LRBA: variants seen among roughly 807,000 people sequenced by gnomAD.
The protein encoded by LRBA is lipopolysaccharide-responsive and beige-like anchor protein.
A neutral mutation model predicts 330.0 loss-of-function variants in LRBA; 176 were observed. The ratio of observed to expected loss-of-function variants is 0.53; its 90% confidence interval spans 0.47 to 0.60. The LOEUF (loss-of-function observed/expected upper bound fraction) is 0.60. Ranked by LOEUF, LRBA falls within the 20% of genes least tolerant of loss-of-function variation. The probability of loss-of-function intolerance (pLI) is 0.00; values close to 1 mark genes in which losing one functional copy is unlikely to be tolerated. For missense variants in LRBA, 3,259 were observed against 3,444.8 expected (o/e 0.95, Z 1.35); for synonymous variants, 1,230 against 1,193.0 (o/e 1.03, Z -0.64).
intron 42 of LRBA, among the ~76,000 whole-genome samples, chr4:150,474,479 G>C (rs1756491980): frequency 6.6e-6 from 1 of 152,004 alleles, no homozygotes; most frequent in South Asian, 2.1e-4. Context: ...TTTCAAAATT[G>C]TTTCAGCTAC....
In LRBA at chr4:150,916,704, T is replaced by A. The variant is rs747679514; in HGVS notation, c.680A>T (p.Tyr227Phe). ...TGTATGAAATGTAAAACCATTCTGG[T>A]ATGGCCATTTGGCTATAGGAGGTAA... ...IALPPIAKWP[Y>F]QNGFTFHTWL... is the part of the protein sequence containing the mutation. The change falls in exon 6 of 57, where the codon TAC becomes TTC. Residue 227 changes from tyrosine to phenylalanine, a missense_variant. Transcript: ENST00000651943. 1.9e-6 allele frequency: 3 copies of A among 1,591,634 alleles called. No homozygotes were observed. The highest frequency in any genetic ancestry group is 4.5e-5 in the East Asian group (2 of 44,666).
At chr4:150,808,826 C>A (rs1743182234) in intron 31 of LRBA, among the ~76,000 whole-genome samples, 1 of 152,198 alleles carries the variant, frequency 6.6e-6, no homozygotes, top group Non-Finnish European at 1.5e-5. Context: ...CAAATCACTA[C>A]TAAAGGACTA....
intron 34 of LRBA, among the ~76,000 whole-genome samples, chr4:150,775,452 AACACACACACACACACACACACACACAC>A (rs200525703): frequency 2.9e-5 from 1 of 33,910 alleles, no homozygotes; most frequent in Admixed American, 3.1e-4. Flanking sequence ...TCTGCAATGG[AACACACACACACACACACACACACACAC>A]ACACACACAC....
intron 36 of LRBA, among the ~76,000 whole-genome samples, chr4:150,693,472 G>A (rs1475459680): frequency 1.4e-5 from 2 of 146,696 alleles, no homozygotes; most frequent in Non-Finnish European, 3.0e-5. Flanking sequence ...GCTGAGGCAG[G>A]AGAATGGCGT....
chr4:150,784,429 C>A (rs1462590329), intron 34 of LRBA, among the ~76,000 whole-genome samples: 1 of 152,128 alleles, frequency 6.6e-6, no homozygotes, highest in Non-Finnish European at 1.5e-5. Flanking sequence ...TTTGCCCTTG[C>A]CCCACATGAT....
chr4:150,973,589 C>A (rs1739826108), intron 2 of LRBA, among the ~76,000 whole-genome samples: 1 of 152,122 alleles, frequency 6.6e-6, no homozygotes, highest in Non-Finnish European at 1.5e-5. Context: ...AGAGTAAAAT[C>A]TTCTAATAAT....
At chr4:150,473,155 G>A (rs1332199468) in intron 42 of LRBA, among the ~76,000 whole-genome samples, 1 of 152,076 alleles carries the variant, frequency 6.6e-6, no homozygotes, top group East Asian at 1.9e-4. Context: ...TGTGTATTTT[G>A]ATTATTACCA....
chr4:150,489,658 T>A (rs866057223), intron 41 of LRBA, among the ~76,000 whole-genome samples: 74 of 107,204 alleles, frequency 6.9e-4, no homozygotes, highest in Middle Eastern at 8.6e-3. Flanking sequence ...TATATAATAT[T>A]ATATATAAGA....
chr4:150,386,325 C>A (rs1041208585), intron 47 of LRBA, among the ~76,000 whole-genome samples: 7 of 152,008 alleles, frequency 4.6e-5, no homozygotes, highest in African/African-American at 1.4e-4. Flanking sequence ...AAAAAGGATA[C>A]ACATAAATAT....
At chr4:150,641,600 C>T (rs891575504) in intron 37 of LRBA, among the ~76,000 whole-genome samples, 3 of 151,814 alleles carry the variant, frequency 2.0e-5, no homozygotes, top group Non-Finnish European at 4.4e-5. Flanking sequence ...TTTTTCTTTG[C>T]AGCAAAAAGA....
At chr4:150,346,384 T>C (rs1166183543) in intron 48 of LRBA, among the ~76,000 whole-genome samples, 2 of 151,832 alleles carry the variant, frequency 1.3e-5, no homozygotes, top group Non-Finnish European at 2.9e-5. Flanking sequence ...CTACTTAGGA[T>C]TGTGGTAAAG....
intron 37 of LRBA, among the ~76,000 whole-genome samples, chr4:150,677,804 TAAAAAA>T (rs1020996025): frequency 0.032 from 3,952 of 122,548 alleles, 163 homozygotes; most frequent in African/African-American, 0.11. Context: ...TCCCATGTCT[TAAAAAA>T]AAAAAGAAAA....
chr4:150,375,940 A>C (rs748748147), intron 47 of LRBA, among the ~76,000 whole-genome samples: 2 of 152,152 alleles, frequency 1.3e-5, no homozygotes, highest in African/African-American at 2.4e-5. Context: ...CTCACTATAG[A>C]TAAGCACCAA....
At chr4:150,438,145 C>T (rs543004902) in intron 44 of LRBA, among the ~76,000 whole-genome samples, 87 of 152,230 alleles carry the variant, frequency 5.7e-4, no homozygotes, top group Non-Finnish European at 1.0e-3. Flanking sequence ...ATGTTAAGTA[C>T]CCACTCACTG....
chr4:150,430,376 C>T (rs576581171), intron 46 of LRBA, among the ~76,000 whole-genome samples: 38 of 152,148 alleles, frequency 2.5e-4, no homozygotes, highest in Non-Finnish European at 4.0e-4. Flanking sequence ...CCCCACTGCA[C>T]CCAGGATAAA....
intron 46 of LRBA, among the ~76,000 whole-genome samples, chr4:150,426,373 T>C (rs887600723): frequency 3.3e-5 from 5 of 152,018 alleles, no homozygotes; most frequent in Admixed American, 6.6e-5. Context: ...AGAAAAATCA[T>C]GGATTACAAA....
At chr4:150,870,655 T>C (rs762791651) in intron 19 of LRBA, 49 bp from the exon 20 acceptor site, 1 of 856,280 alleles carries the variant, frequency 1.2e-6, no homozygotes, top group Admixed American at 1.8e-5. Flanking sequence ...TGGATTAGCA[T>C]CACTATTAAT....
chr4:150,370,951 T>C (rs1349035740), intron 47 of LRBA, among the ~76,000 whole-genome samples: 4 of 152,136 alleles, frequency 2.6e-5, no homozygotes, highest in South Asian at 2.1e-4. Flanking sequence ...TGGGTTTCAA[T>C]TGCTACTTTC....
chr4:150,731,876 A>T (rs568230357), intron 36 of LRBA, among the ~76,000 whole-genome samples: 1 of 152,276 alleles, frequency 6.6e-6, no homozygotes, highest in East Asian at 1.9e-4. Flanking sequence ...AAGGATAAAT[A>T]CTTGAAGAGA....
Sources: allele counts gnomAD v4.1 joint callset (sites outside exome capture counted in the v4.1 genomes callset), GRCh38; gene constraint gnomAD v4.1.1; transcripts MANE v1.5; gene names NCBI Gene and HGNC (gene_info 2026-07-23, HGNC 2026-07-21).